The following SNTG2 variants were observed in gnomAD, a reference collection of about 807,000 sequenced individuals.
SNTG2 encodes the protein syntrophin gamma 2, also known as gamma-2-syntrophin.
In SNTG2, 74 loss-of-function variants were observed where a neutral mutation model predicts 70.9. The observed-to-expected ratio is 1.04, with a 90% CI of 0.86 to 1.27. The LOEUF (loss-of-function observed/expected upper bound fraction) is 1.27. SNTG2 is among the 50% of genes most tolerant of loss of function. The pLI is 0.00. For synonymous variants in SNTG2, 278 were observed against 273.8 expected, an observed-to-expected ratio of 1.02 and a Z score of -0.15; for missense variants, 717 against 690.7, an observed-to-expected ratio of 1.04 and a Z score of -0.43.
In SNTG2 at chr2:1,047,039, G is replaced by A. The variant is rs142852024; in HGVS notation, c.73-36479G>A. Among the ~76,000 whole-genome samples, 211 of 152,182 alleles carry A rather than the reference G, an allele frequency of 1.4e-3. 1 individual carries two copies. The highest frequency in any genetic ancestry group is 4.9e-3 in the African/African-American group (202 of 41,532). On this transcript the variant is annotated intron_variant, in intron 1 of 16. Transcript: ENST00000308624. ...CTCTTTATGTAGTCTCATATTCCTTGGAGATGTTCTTCAGTTTTTTCTTTA... is the reference window on the plus strand; with the variant it reads ...CTCTTTATGTAGTCTCATATTCCTTAGAGATGTTCTTCAGTTTTTTCTTTA...
At chr2:1,326,770 A>G (rs1347617124) in intron 16 of SNTG2, among the ~76,000 whole-genome samples, 1 of 152,226 alleles carries the variant, frequency 6.6e-6, no homozygotes, top group Non-Finnish European at 1.5e-5. Flanking sequence ...AATCCATTTA[A>G]TCTCAATCAG....
intron 1 of SNTG2, among the ~76,000 whole-genome samples, chr2:1,062,099 AT>A (rs1662864730): frequency 6.6e-6 from 1 of 152,186 alleles, no homozygotes; most frequent in African/African-American, 2.4e-5. Flanking sequence ...ACAATGAAGG[AT>A]TTTCACACCA....
rs182467533 is a variant in SNTG2 at position 1,047,645 on chromosome 2, G to A, written c.73-35873G>A. 1.1e-3 allele frequency among the ~76,000 whole-genome samples: 161 copies of A among 152,336 alleles called. 1 individual carries two copies. The highest frequency in any genetic ancestry group is 4.3e-4 in the Non-Finnish European group (29 of 68,020). ...GAGTAAATTCTCAAAGTATTTTGGT[G>A]TTGCAGTTTGGGCTGCAATCTAGTA... On this transcript the variant is annotated intron_variant, in intron 1 of 16. Transcript: ENST00000308624.
rs1288157309 is a variant in SNTG2, at chr2:1,255,909, TATATATATAA to T, written c.1006-3453_1006-3444del. ...AAATATATATAAATATATATATAAATATATATATAAATATATAAATATATAAATATATATA... is the reference window on the plus strand; with the variant it reads ...AAATATATATAAATATATATATAAATATATATAAATATATAAATATATATA... On this transcript the variant is annotated intron_variant, in intron 12 of 16. Coordinates refer to ENST00000308624, the MANE Select transcript of SNTG2 (RefSeq NM_018968.4). Among the ~76,000 whole-genome samples, 9 of 58,896 alleles carry T rather than the reference TATATATATAA, an allele frequency of 1.5e-4. 1 individual carries two copies. Among genetic ancestry groups the T allele is most frequent in the African/African-American group, 9.3e-4 (9 of 9,710 alleles). 38.6% of individuals were successfully genotyped at this position (58,896 alleles called of 152,430 possible).
intron 8 of SNTG2, among the ~76,000 whole-genome samples, chr2:1,185,415 C>T (rs116381874): frequency 0.013 from 2,015 of 152,272 alleles, 47 homozygotes; most frequent in African/African-American, 0.046. Flanking sequence ...GAGCTCCAAC[C>T]GCACATTTCC....
chr2:964,688 C>G (rs904807803), intron 1 of SNTG2, among the ~76,000 whole-genome samples: 3 of 152,282 alleles, frequency 2.0e-5, no homozygotes, highest in South Asian at 2.1e-4. Flanking sequence ...AGTGCAGGGT[C>G]CTCGAGACAC....
chr2:971,405 G>A (rs1660734965), intron 1 of SNTG2, among the ~76,000 whole-genome samples: 2 of 152,052 alleles, frequency 1.3e-5, no homozygotes. Context: ...TATGTTTCTA[G>A]GAATTTATTC....
At chr2:1,351,197 G>A (rs1660554221) in intron 16 of SNTG2, among the ~76,000 whole-genome samples, 1 of 151,868 alleles carries the variant, frequency 6.6e-6, no homozygotes, top group African/African-American at 2.4e-5. Context: ...ACGGTAAAGT[G>A]CAAGCACTGT....
chr2:1,001,746 TAAA>T lies in SNTG2; in HGVS notation c.72+50680_72+50682del, dbSNP rs1381212110. Among the ~76,000 whole-genome samples, 4 of 151,964 alleles carry T rather than the reference TAAA, an allele frequency of 2.6e-5. No homozygotes were observed. In the East Asian group the frequency reaches 7.7e-4, roughly 29 times the overall value. On this transcript the variant is annotated intron_variant, in intron 1 of 16. Transcript: ENST00000308624. Reference sequence around the variant, plus strand: ...TCACCAAAATATTAATATCATTTTTTAAAAGATTAGAAAAAAAGTCCTAAAATC... The same window carrying T: ...TCACCAAAATATTAATATCATTTTTTAGATTAGAAAAAAAGTCCTAAAATC...
intron 4 of SNTG2, among the ~76,000 whole-genome samples, chr2:1,106,426 A>G (rs1360489341): frequency 6.0e-3 from 220 of 36,506 alleles, no homozygotes; most frequent in Admixed American, 8.0e-3. Flanking sequence ...GAGCTCCTTG[A>G]TAATAATGGA....
intron 1 of SNTG2, among the ~76,000 whole-genome samples, chr2:952,369 A>G (rs1358176962): frequency 6.6e-6 from 1 of 152,266 alleles, no homozygotes; most frequent in Non-Finnish European, 1.5e-5. Flanking sequence ...GAGCAAAGCA[A>G]TTCTTGCTTT....
intron 9 of SNTG2, among the ~76,000 whole-genome samples, chr2:1,223,229 C>G (rs34206412): frequency 3.3e-4 from 33 of 100,280 alleles, no homozygotes; most frequent in South Asian, 1.2e-3. Context: ...CTGCCTGCTG[C>G]TGGAGGTGCT....
At chr2:1,039,821 G>C (rs1286552434) in intron 1 of SNTG2, among the ~76,000 whole-genome samples, 2 of 152,138 alleles carry the variant, frequency 1.3e-5, no homozygotes, top group African/African-American at 4.8e-5. Flanking sequence ...TCACTTCAGG[G>C]CTGTCAGCCC....
At position 1,221,443 on chromosome 2, in the gene SNTG2, G is replaced by GCC. The variant is rs1674814709; in HGVS notation, c.719+12213_719+12214insCC. On this transcript the variant is annotated intron_variant, in intron 9 of 16. Coordinates refer to ENST00000308624, the MANE Select transcript of SNTG2 (RefSeq NM_018968.4). ...TTTGTCTCTGTCTCTCTCTGTCTCT[G>GCC]TCTCTGTCTCTCTCTGTCTCTGTCT... Among the ~76,000 whole-genome samples, 2 of 91,720 alleles carry GCC rather than the reference G, an allele frequency of 2.2e-5. 1 individual carries two copies. The allele number at this position is 91,720 out of a possible 152,430, so 60.2% of individuals were successfully genotyped here. A position where few individuals can be genotyped will look rare whatever the true frequency, so the allele number is the denominator to read the frequency against.
At chr2:1,279,038 CT>C (rs1344468814) in intron 14 of SNTG2, among the ~76,000 whole-genome samples, 2 of 85,576 alleles carry the variant, frequency 2.3e-5, no homozygotes, top group African/African-American at 6.5e-5. Context: ...GAATCACCCC[CT>C]GTCAGTGCGC....
chr2:1,112,791 G>A (rs1166868285), intron 4 of SNTG2, among the ~76,000 whole-genome samples: 1 of 151,402 alleles, frequency 6.6e-6, no homozygotes, highest in Non-Finnish European at 1.5e-5. Flanking sequence ...TGTGTACTAA[G>A]TGAGGTTTAA....
At chr2:1,010,794 G>C (rs1247813537) in intron 1 of SNTG2, among the ~76,000 whole-genome samples, 1 of 152,174 alleles carries the variant, frequency 6.6e-6, no homozygotes, top group East Asian at 1.9e-4. Context: ...CGTGCTCAGT[G>C]GCTTGACCCC....
chr2:995,670 TATTTC>T (rs61172786), intron 1 of SNTG2, among the ~76,000 whole-genome samples: 13,150 of 152,222 alleles, frequency 0.086, 748 homozygotes, highest in South Asian at 0.21. Context: ...TAGAAACTAC[TATTTC>T]ATTTCTGTGT....
At chr2:1,026,164 T>C (rs1660469792) in intron 1 of SNTG2, among the ~76,000 whole-genome samples, 1 of 152,094 alleles carries the variant, frequency 6.6e-6, no homozygotes, top group Non-Finnish European at 1.5e-5. Context: ...TTTGAAAAGT[T>C]TGTTGTTGTT....
Sources: gnomAD v4.1 joint callset for allele counts (sites outside exome capture counted in the v4.1 genomes callset) on GRCh38, gnomAD v4.1.1 for gene constraint, MANE v1.5 for transcripts, NCBI Gene and HGNC (gene_info 2026-07-23, HGNC 2026-07-21) for gene names.